Variants in RXFP1 observed in about 807,000 individuals in gnomAD.
RXFP1 encodes the protein relaxin family peptide receptor 1, also known as relaxin receptor 1.
RXFP1 carries 73 observed loss-of-function variants against 89.8 expected under a neutral mutation model. The ratio of observed to expected loss-of-function variants is 0.81; its 90% CI spans 0.67 to 0.99. The LOEUF is 0.99. RXFP1 is among the 50% of genes least tolerant of loss of function. RXFP1 has a pLI of 0.00. For missense variants in RXFP1, 793 were observed against 895.5 expected (o/e 0.89, Z 1.46); for synonymous variants, 277 against 305.5 (o/e 0.91, Z 0.97).
At chr4:158,630,218 A>G (rs1767766078) in intron 11 of RXFP1, among the ~76,000 whole-genome samples, 1 of 152,122 alleles carries the variant, frequency 6.6e-6, no homozygotes, top group Non-Finnish European at 1.5e-5. Context: ...CCAACATTTT[A>G]TCTGTAGCCT....
At chr4:158,573,018 G>T (rs145777169) in intron 2 of RXFP1, 183 bp downstream of exon 2, 13 of 723,654 alleles carry the variant, frequency 1.8e-5, no homozygotes, top group African/African-American at 1.2e-4. Flanking sequence ...TCTTGTTTTT[G>T]TTTTTTTTTG....
In RXFP1 at chr4:158,544,468, C is replaced by T. The variant is rs1464932859; in HGVS notation, c.49+22443C>T. Reference sequence around the variant, plus strand: ...TTTTTAATTTTATTTTATTATTATACTTTAAGTTTTAGGGTACATGTGCAC... The same window carrying T: ...TTTTTAATTTTATTTTATTATTATATTTTAAGTTTTAGGGTACATGTGCAC... On this transcript the variant is annotated intron_variant, in intron 1 of 17. Coordinates refer to ENST00000307765, the MANE Select transcript of RXFP1 (RefSeq NM_021634.4). The T allele has an allele frequency of 5.0e-6, 3 of 594,696 alleles. No individual in the cohort carries two copies. In the East Asian group the frequency reaches 4.3e-4, roughly 85 times the overall value. The allele number at this position is 594,696 out of a possible 1,614,324, so 36.8% of individuals were successfully genotyped here. A position where few individuals can be genotyped will look rare whatever the true frequency, so the allele number is the denominator to read the frequency against.
chr4:158,632,223 C>G (rs1768184678), intron 11 of RXFP1, among the ~76,000 whole-genome samples: 1 of 152,152 alleles, frequency 6.6e-6, no homozygotes, highest in Non-Finnish European at 1.5e-5. Context: ...GCAATAGTCT[C>G]CAGGTTCAGT....
At chr4:158,604,007 A>G (rs547647214) in intron 4 of RXFP1, among the ~76,000 whole-genome samples, 2 of 151,636 alleles carry the variant, frequency 1.3e-5, no homozygotes, top group South Asian at 4.2e-4. Context: ...TTAAGAACCA[A>G]TTCTCACCTT....
chr4:158,552,292 T>C (rs1750326402), intron 1 of RXFP1, among the ~76,000 whole-genome samples: 1 of 152,218 alleles, frequency 6.6e-6, no homozygotes, highest in Admixed American at 6.5e-5. Flanking sequence ...AAGAGTTTTG[T>C]CATAATTTGA....
At chr4:158,610,416 A>G (rs575610119) in intron 6 of RXFP1, among the ~76,000 whole-genome samples, 2 of 152,268 alleles carry the variant, frequency 1.3e-5, no homozygotes, top group East Asian at 3.9e-4. Context: ...GGCTCCCTTT[A>G]AGTAGTTATA....
chr4:158,537,117 T>C (rs931160411), intron 1 of RXFP1, among the ~76,000 whole-genome samples: 10 of 152,116 alleles, frequency 6.6e-5, no homozygotes, highest in Non-Finnish European at 1.2e-4. Flanking sequence ...TTCATTTGAT[T>C]AACATAGATA....
chr4:158,591,599 A>AG (rs1249781461), intron 2 of RXFP1, among the ~76,000 whole-genome samples: 1 of 151,846 alleles, frequency 6.6e-6, no homozygotes, highest in African/African-American at 2.4e-5. Context: ...AAAAAAAAAA[A>AG]AAAATTAGTC....
In RXFP1 at chr4:158,648,612, A is replaced by G. The variant is rs757939741; in HGVS notation, c.1870A>G (p.Met624Val). 3.1e-6 allele frequency: 5 copies of G among 1,613,194 alleles called. No homozygotes were observed. The South Asian group carries it at 5.5e-5, about 18-fold the overall frequency. Residue 624 changes from methionine (M) to valine (V), a missense_variant, in exon 17 of 18, where the codon ATG (methionine) becomes GTG (valine). By Grantham distance (21) the Met-to-Val change is conservative. Coordinates refer to ENST00000307765, the MANE Select transcript of RXFP1 (RefSeq NM_021634.4). ...AATACGGAATCAAGTTAAAAAAGAG[A>G]TGATCCTTGCCAAACGTTTTTTCTT... ...TEIRNQVKKE[M>V]ILAKRFFFIV...
At chr4:158,601,003 C>G (rs1295385704) in intron 4 of RXFP1, among the ~76,000 whole-genome samples, 1 of 152,050 alleles carries the variant, frequency 6.6e-6, no homozygotes, top group Admixed American at 6.5e-5. Context: ...ACAATTCAAC[C>G]AACATTTGTA....
At chr4:158,632,689 C>T (rs1366491884) in intron 11 of RXFP1, among the ~76,000 whole-genome samples, 1 of 152,104 alleles carries the variant, frequency 6.6e-6, no homozygotes, top group Non-Finnish European at 1.5e-5. Context: ...ATATGAGAGC[C>T]TGTGTATATC....
chr4:158,541,563 GA>G (rs1409724482), intron 1 of RXFP1, among the ~76,000 whole-genome samples: 3 of 151,908 alleles, frequency 2.0e-5, no homozygotes, highest in Non-Finnish European at 4.4e-5. Context: ...ACTTTATTTT[GA>G]AAAATTTCAA....
At chr4:158,593,736 A>G (rs1296643201) in intron 3 of RXFP1, among the ~76,000 whole-genome samples, 1 of 152,256 alleles carries the variant, frequency 6.6e-6, no homozygotes, top group Non-Finnish European at 1.5e-5. Flanking sequence ...TAAGTGTAGA[A>G]GTAATAAATG....
At chr4:158,569,841 C>T (rs1007949237) in intron 1 of RXFP1, among the ~76,000 whole-genome samples, 2 of 151,940 alleles carry the variant, frequency 1.3e-5, no homozygotes, top group Non-Finnish European at 2.9e-5. Context: ...TTAAAGCATT[C>T]GAAACAATTG....
chr4:158,631,911 G>T (rs758901588), intron 11 of RXFP1, among the ~76,000 whole-genome samples: 2 of 152,178 alleles, frequency 1.3e-5, no homozygotes, highest in Non-Finnish European at 2.9e-5. Flanking sequence ...TGGGGAACAT[G>T]AAGAAACCCA....
chr4:158,638,650 A>C (rs950983116), intron 13 of RXFP1, among the ~76,000 whole-genome samples: 1 of 152,100 alleles, frequency 6.6e-6, no homozygotes, highest in South Asian at 2.1e-4. Flanking sequence ...TCTACAAAAA[A>C]ATAAAAATAA....
intron 3 of RXFP1, among the ~76,000 whole-genome samples, chr4:158,594,705 G>A (rs1283492606): frequency 6.6e-6 from 1 of 151,952 alleles, no homozygotes; most frequent in Non-Finnish European, 1.5e-5. Context: ...ATTTTTTTAA[G>A]CCCAGTTGAA....
chr4:158,631,697 A>C (rs1768062457), intron 11 of RXFP1, among the ~76,000 whole-genome samples: 1 of 152,210 alleles, frequency 6.6e-6, no homozygotes, highest in African/African-American at 2.4e-5. Context: ...GGGGATTAAA[A>C]TACTGAAGTG....
chr4:158,623,502 C>CAAAAAAAAAAAAAAAAAAA (rs56692438), intron 9 of RXFP1, among the ~76,000 whole-genome samples: 50 of 42,634 alleles, frequency 1.2e-3, no homozygotes, highest in Admixed American at 1.5e-3. Flanking sequence ...AACTCCATCT[C>CAAAAAAAAAAAAAAAAAAA]AAAAAAAAAA....
Sources: allele counts gnomAD v4.1 joint callset (sites outside exome capture counted in the v4.1 genomes callset), GRCh38; gene constraint gnomAD v4.1.1; transcripts MANE v1.5; gene names NCBI Gene and HGNC (gene_info 2026-07-23, HGNC 2026-07-21).